Variants in ZNF48 observed in about 807,000 individuals in gnomAD.
The protein encoded by ZNF48 is zinc finger protein 553.
Under a neutral mutation model 40.0 loss-of-function variants are expected in ZNF48, and 20 were observed. That is an observed-to-expected ratio of 0.50 (90% CI 0.35 to 0.73). The LOEUF is 0.73. ZNF48 is among the 30% of genes least tolerant of loss of function. The probability of loss-of-function intolerance (pLI) is 0.01; values close to 1 mark genes in which losing one functional copy is unlikely to be tolerated. For synonymous variants in ZNF48, 298 were observed against 329.7 expected (o/e 0.90, Z 1.04); for missense variants, 726 against 851.9 (o/e 0.85, Z 1.84).
At chr16:30,391,880 C>G (rs1482891958), upstream of ZNF48, among the ~76,000 whole-genome samples, 1 of 151,780 alleles carries the variant, frequency 6.6e-6, no homozygotes, top group Non-Finnish European at 1.5e-5. Context: ...CTCTGTCACC[C>G]AGGCTGGAGT....
At chr16:30,384,208 C>T (rs1486441104) in intron 1 of ZNF48, among the ~76,000 whole-genome samples, 3 of 151,226 alleles carry the variant, frequency 2.0e-5, no homozygotes, top group Admixed American at 6.6e-5. Context: ...GAGCAAGACC[C>T]TATCTCAAAC....
In ZNF48 at chr16:30,395,898, C is replaced by A; in HGVS notation, c.79+25C>A. The A allele has an allele frequency of 6.6e-7, 1 of 1,508,716 alleles. No individual in the cohort carries two copies. The highest frequency in any genetic ancestry group is 8.9e-7 in the Non-Finnish European group (1 of 1,129,318). 93.5% of individuals were successfully genotyped at this position (1,508,716 alleles called of 1,614,324 possible). A position where few individuals can be genotyped will look rare whatever the true frequency, so the allele number is the denominator to read the frequency against. On this transcript the variant is annotated intron_variant, in intron 2 of 2. Transcript: ENST00000613509. The surrounding 1 kb of genome is among the most constrained non-coding windows in gnomAD (Gnocchi z 5.9). ...GGTGAGGGCCTCGGCCGTGCGCCGC[C>A]ACGGACAGGTAACGGCCGGTGGGGA... is the stretch of plus-strand genomic sequence containing the variant.
rs547051052 is a variant in ZNF48, at chr16:30,397,675, G to A, written c.425G>A (p.Cys142Tyr). Residue 142 changes from cysteine (C) to tyrosine (Y), a missense_variant, in exon 3 of 3, where the codon TGT becomes TAT. Physicochemically the swap from Cys to Tyr is radical, Grantham distance 194. This residue lies in a region of ZNF48 where 6 missense variants were observed against 25.5 expected (regional missense o/e 0.24). Transcript: ENST00000613509. This position sits in a 1 kb window ranked among gnomAD's most constrained non-coding sequence, Gnocchi z 4.1. Reference protein sequence around the residue: ...RTHTGEKPYKCGVCGKGFGDS... With the variant: ...RTHTGEKPYKYGVCGKGFGDS... Reference sequence around the variant, plus strand: ...CACACAGGGGAGAAACCCTACAAGTGTGGGGTCTGTGGCAAGGGCTTTGGG... The same window carrying A: ...CACACAGGGGAGAAACCCTACAAGTATGGGGTCTGTGGCAAGGGCTTTGGG... The A allele has an allele frequency of 6.2e-7, 1 of 1,613,612 alleles. No homozygotes were observed. Among genetic ancestry groups the A allele is most frequent in the African/African-American group, 1.3e-5 (1 of 75,022 alleles).
chr16:30,379,398 C>T, intron 1 of ZNF48: 2 of 1,574,450 alleles, frequency 1.3e-6, no homozygotes, highest in Non-Finnish European at 1.7e-6. Flanking sequence ...CCCCGGGCTC[C>T]CTGCTGGCCT....
intron 1 of ZNF48, among the ~76,000 whole-genome samples, chr16:30,387,689 G>C (rs547986889): frequency 1.3e-5 from 2 of 150,968 alleles, no homozygotes; most frequent in South Asian, 4.2e-4. Context: ...CTCCCGACTA[G>C]CTGTGATTAC....
At chr16:30,385,602 C>T (rs962600879) in intron 1 of ZNF48, among the ~76,000 whole-genome samples, 61 of 151,764 alleles carry the variant, frequency 4.0e-4, no homozygotes, top group East Asian at 9.7e-4. Flanking sequence ...TCCAGCCTGG[C>T]GACAGAGCAA....
chr16:30,396,375 CG>C (rs919249752), intron 2 of ZNF48, among the ~76,000 whole-genome samples: 2 of 152,114 alleles, frequency 1.3e-5, no homozygotes, highest in African/African-American at 4.8e-5. Flanking sequence ...GCCGTAATGC[CG>C]GTTCCTATTT....
chr16:30,382,802 C>T lies in ZNF48; in HGVS notation c.-16+4392C>T. ...CTGTAGCTCCATCATCGTGGTGAGA[C>T]ATGGGGTATGTGCAGAGAGGAAGGA... On this transcript the variant is annotated intron_variant, in intron 1 of 2. Coordinates refer to the ZNF48 transcript ENST00000528032. The surrounding 1 kb of genome is among the most constrained non-coding windows in gnomAD (Gnocchi z 4.8). 6.5e-7 allele frequency: 1 copy of T among 1,535,178 alleles called. No homozygotes were observed.
rs1397734731 is a variant in ZNF48, at chr16:30,397,386, G to A, written c.136G>A (p.Glu46Lys). The A allele has an allele frequency of 6.2e-7, 1 of 1,614,088 alleles. No homozygotes were observed. The highest frequency in any genetic ancestry group is 8.5e-7 in the Non-Finnish European group (1 of 1,180,014). The change falls in exon 3 of 3, where the codon GAA becomes AAA. Residue 46 changes from glutamate (E) to lysine (K), a missense_variant. Around this residue, in one of 5 missense-constraint regions of ZNF48, gnomAD observed 151 missense variants for 162.3 expected, o/e 0.93. Transcript: ENST00000613509. The surrounding 1 kb of genome is among the most constrained non-coding windows in gnomAD (Gnocchi z 4.1). ...QPNEFEHTPQ[E>K]DDLGFKEEDL... ...GAATGAGTTTGAACATACCCCACAG[G>A]AAGATGACTTGGGGTTCAAGGAAGA... is the stretch of plus-strand genomic sequence containing the variant.
chr16:30,378,547 G>A (rs1315773671), intron 1 of ZNF48: 1 of 1,601,748 alleles, frequency 6.2e-7, no homozygotes, highest in Non-Finnish European at 8.5e-7. Flanking sequence ...TGCAGGCGGT[G>A]ACCTGGCGAA....
intron 1 of ZNF48, among the ~76,000 whole-genome samples, chr16:30,389,816 G>GTTTTGTTTTTTTTTTTTTTTTTTTT (rs2049928364): frequency 4.4e-5 from 1 of 22,480 alleles, no homozygotes; most frequent in African/African-American, 1.0e-4. Flanking sequence ...ATTTGGATTA[G>GTTTTGTTTTTTTTTTTTTTTTTTTT]TTTTTTTTTT....
intron 1 of ZNF48, among the ~76,000 whole-genome samples, chr16:30,386,758 G>A (rs1443427162): frequency 4.6e-5 from 7 of 151,338 alleles, no homozygotes; most frequent in African/African-American, 7.3e-5. Context: ...TCTGCCTCCC[G>A]GGTTCAAGTG....
intron 1 of ZNF48, among the ~76,000 whole-genome samples, chr16:30,390,019 C>T (rs1179098710): frequency 6.6e-6 from 1 of 151,494 alleles, no homozygotes; most frequent in Non-Finnish European, 1.5e-5. Context: ...GATGGGGTCA[C>T]TATGTTGGCC....
upstream of ZNF48, among the ~76,000 whole-genome samples, chr16:30,391,582 G>A (rs1238867170): frequency 1.3e-5 from 2 of 149,118 alleles, no homozygotes; most frequent in African/African-American, 2.5e-5. Flanking sequence ...TGCAACCTCC[G>A]GCTCGCGAGT....
chr16:30,383,873 C>G (rs936251540), intron 1 of ZNF48, among the ~76,000 whole-genome samples: 2 of 152,346 alleles, frequency 1.3e-5, no homozygotes, highest in South Asian at 4.1e-4. Flanking sequence ...GGCTCTGCCT[C>G]TATGCAATCT....
Position 30,398,254 on chromosome 16 carries a change from A to G in ZNF48, c.1004A>G (p.Glu335Gly). Residue 335 changes from glutamate to glycine, a missense_variant, in exon 3 of 3, where the codon GAG becomes GGG. Coordinates refer to ENST00000613509, the MANE Select transcript of ZNF48 (RefSeq NM_001214909.2). The surrounding 1 kb of genome is among the most constrained non-coding windows in gnomAD (Gnocchi z 6.6). Reference protein sequence around the residue: ...HTGEKPYLCPECGKGFADSSA... With the variant: ...HTGEKPYLCPGCGKGFADSSA... ...GGTGAGAAGCCCTACCTCTGCCCAGAGTGCGGCAAAGGTTTCGCGGACAGC... is the reference window on the plus strand; with the variant it reads ...GGTGAGAAGCCCTACCTCTGCCCAGGGTGCGGCAAAGGTTTCGCGGACAGC... 6.2e-7 allele frequency: 1 copy of G among 1,613,558 alleles called. No homozygotes were observed. The highest frequency in any genetic ancestry group is 8.5e-7 in the Non-Finnish European group (1 of 1,180,006).
rs2049976617 is a variant in ZNF48, at chr16:30,395,685, C to T, written c.-15-95C>T. 9.1e-7 allele frequency: 1 copy of T among 1,103,144 alleles called. No individual in the cohort carries two copies. Among genetic ancestry groups the T allele is most frequent in the African/African-American group, 1.6e-5 (1 of 61,176 alleles). 68.3% of individuals were successfully genotyped at this position (1,103,144 alleles called of 1,614,324 possible). A position where few individuals can be genotyped will look rare whatever the true frequency, so the allele number is the denominator to read the frequency against. On this transcript the variant is annotated intron_variant, in intron 1 of 2. Transcript: ENST00000613509. This position sits in a 1 kb window ranked among gnomAD's most constrained non-coding sequence, Gnocchi z 5.9. ...GCCCGTACCTGGGACCCGACGCCGC[C>T]CGGTGCCCGCGCTGGCCGGCAGAGG...
At chr16:30,379,298 C>A in intron 1 of ZNF48, 1 of 1,479,202 alleles carries the variant, frequency 6.8e-7, no homozygotes, top group South Asian at 1.2e-5. Flanking sequence ...GGTCCGCGGT[C>A]TGCAGCCCAG....
At chr16:30,389,563 ACT>A (rs1280019032) in intron 1 of ZNF48, among the ~76,000 whole-genome samples, 1 of 145,276 alleles carries the variant, frequency 6.9e-6, no homozygotes, top group Non-Finnish European at 1.5e-5. Context: ...ACAGAGTGAG[ACT>A]CTGTCTCAAA....
Sources: gnomAD v4.1 joint callset for allele counts (sites outside exome capture counted in the v4.1 genomes callset) on GRCh38, gnomAD v4.1.1 for gene constraint, gnomAD v4.1.1 regional missense constraint, Gnocchi (gnomAD v3.1) non-coding constraint, MANE v1.5 for transcripts, NCBI Gene and HGNC (gene_info 2026-07-23, HGNC 2026-07-21) for gene names.